LRP1B: variants seen among roughly 807,000 people sequenced by gnomAD.
The protein encoded by LRP1B is LDL receptor related protein 1B, also known as low-density lipoprotein receptor-related protein 1B.
LRP1B carries 217 observed loss-of-function variants against 556.6 expected under a neutral mutation model. That is an observed-to-expected ratio of 0.39 (90% CI 0.35 to 0.44). LRP1B has a LOEUF of 0.44. Ranked by LOEUF, LRP1B falls within the 20% of genes least tolerant of loss-of-function variation. The probability of loss-of-function intolerance (pLI) is 1.00; values close to 1 mark genes in which losing one functional copy is unlikely to be tolerated. For missense variants in LRP1B, 5,053 were observed against 5,620.8 expected (o/e 0.90, Z 3.23); for synonymous variants, 2,047 against 1,865.8 (o/e 1.10, Z -2.50).
rs1012334536 is a variant in LRP1B, at chr2:142,115,750, T to C, written c.82+14898A>G. On this transcript the variant is annotated intron_variant, in intron 1 of 90. Transcript: ENST00000389484. ...TATAATATATATGTAATATATATAT[T>C]ATATATATGTAATATATATCATATA... Among the ~76,000 whole-genome samples the C allele has an allele frequency of 2.9e-3, 70 of 23,868 alleles. 24 individuals carry two copies. The highest frequency in any genetic ancestry group is 3.7e-3 in the African/African-American group (18 of 4,888). The allele number at this position is 23,868 out of a possible 152,430, so 15.7% of individuals were successfully genotyped here.
At chr2:142,070,874 T>G (rs1235373549) in intron 1 of LRP1B, among the ~76,000 whole-genome samples, 1 of 151,970 alleles carries the variant, frequency 6.6e-6, no homozygotes, top group Admixed American at 6.6e-5. Flanking sequence ...GATGCTTTCA[T>G]ATATGATATC....
At position 140,465,693 on chromosome 2, in the gene LRP1B, A is replaced by G. The variant is rs115386491; in HGVS notation, c.9626-8042T>C. Among the ~76,000 whole-genome samples the G allele has an allele frequency of 2.0e-3, 296 of 151,772 alleles. 1 individual carries two copies. Among genetic ancestry groups the G allele is most frequent in the Admixed American group, 3.9e-3 (60 of 15,258 alleles). On this transcript the variant is annotated intron_variant, in intron 60 of 90. Coordinates refer to ENST00000389484, the MANE Select transcript of LRP1B (RefSeq NM_018557.3). ...TAATACTTAAAATGTCCCTATTTTTACAAGCATGTGGCACTCATGACATTT... is the reference window on the plus strand; with the variant it reads ...TAATACTTAAAATGTCCCTATTTTTGCAAGCATGTGGCACTCATGACATTT...
At chr2:141,079,746 A>T in intron 7 of LRP1B, among the ~76,000 whole-genome samples, 1 of 152,244 alleles carries the variant, frequency 6.6e-6, no homozygotes, top group East Asian at 1.9e-4. Context: ...AATTAATTTT[A>T]TGAAGACTAT....
intron 32 of LRP1B, among the ~76,000 whole-genome samples, chr2:140,808,096 TTAAAATAAAA>T (rs1286332577): frequency 6.6e-6 from 1 of 151,964 alleles, no homozygotes; most frequent in Admixed American, 6.6e-5. Context: ...CATCTCCAAA[TTAAAATAAAA>T]TAAAATAAAA....
intron 32 of LRP1B, among the ~76,000 whole-genome samples, chr2:140,787,558 ATTTTTTTT>A (rs756825067): frequency 2.2e-4 from 10 of 44,632 alleles, no homozygotes; most frequent in African/African-American, 7.7e-4. Flanking sequence ...AAAACAGAAG[ATTTTTTTT>A]TTTTTTTTTT....
rs551880930 is a variant in LRP1B at position 141,225,343 on chromosome 2, C to A, written c.850+3840G>T. On this transcript the variant is annotated intron_variant, in intron 6 of 90. Transcript: ENST00000389484. ...TGTTTACTGTGCAGCTGGGGGATGA[C>A]AATATGGTTCTGAATCATTTTCCTT... is the stretch of plus-strand genomic sequence containing the variant. Among the ~76,000 whole-genome samples the A allele has an allele frequency of 2.0e-5, 3 of 152,188 alleles. No homozygotes were observed. The South Asian group carries it at 6.2e-4, about 32-fold the overall frequency.
chr2:142,088,360 G>A (rs967201077), intron 1 of LRP1B, among the ~76,000 whole-genome samples: 7 of 152,078 alleles, frequency 4.6e-5, no homozygotes, highest in Non-Finnish European at 4.4e-5. Context: ...GTTGGTTTTA[G>A]TATATTGCGT....
chr2:140,470,353 G>A (rs1687709561), intron 60 of LRP1B, among the ~76,000 whole-genome samples: 2 of 151,992 alleles, frequency 1.3e-5, no homozygotes, highest in African/African-American at 4.8e-5. Context: ...ATTAAAACGT[G>A]GAGATTTGGG....
chr2:140,599,328 G>T (rs1682563611), intron 42 of LRP1B, among the ~76,000 whole-genome samples: 1 of 151,762 alleles, frequency 6.6e-6, no homozygotes, highest in Non-Finnish European at 1.5e-5. Context: ...ATATGTTTTG[G>T]AGAAAGAAAA....
chr2:140,322,043 A>G lies in LRP1B; in HGVS notation c.12560T>C (p.Leu4187Pro), dbSNP rs748572855. The G allele has an allele frequency of 1.2e-6, 2 of 1,613,072 alleles. No individual in the cohort carries two copies. Among genetic ancestry groups the G allele is most frequent in the Non-Finnish European group, 1.7e-6 (2 of 1,179,516 alleles). The change falls in exon 82 of 91, where the codon CTA becomes CCA. Residue 4187 changes from leucine to proline, a missense_variant. Physicochemically the swap from Leu to Pro is moderately conservative, Grantham distance 98. This residue lies in a region of LRP1B where 551 missense variants were observed against 592.0 expected (regional missense o/e 0.93). Coordinates refer to ENST00000389484, the MANE Select transcript of LRP1B (RefSeq NM_018557.3). ...CACACAAGTGGCCCCAGAAGGATTT[A>G]GCAAGCAAAGAAATTCGCATGCTAA... ...LDLACEFLCL[L>P]NPSGATCVCP...
At chr2:140,925,073 A>G (rs989657185) in intron 20 of LRP1B, among the ~76,000 whole-genome samples, 13 of 152,152 alleles carry the variant, frequency 8.5e-5, no homozygotes, top group African/African-American at 3.1e-4. Flanking sequence ...GGTATTATAC[A>G]TAATACAGAG....
At chr2:141,024,681 TG>T (rs1698167349) in intron 11 of LRP1B, among the ~76,000 whole-genome samples, 1 of 152,044 alleles carries the variant, frequency 6.6e-6, no homozygotes, top group Non-Finnish European at 1.5e-5. Flanking sequence ...TGCCTGTTTT[TG>T]TTCCATGAAT....
At chr2:142,004,089 A>C (rs1206346194) in intron 1 of LRP1B, among the ~76,000 whole-genome samples, 1 of 152,244 alleles carries the variant, frequency 6.6e-6, no homozygotes, top group Non-Finnish European at 1.5e-5. Context: ...AGTAGGAGGC[A>C]GAAGGAAGAT....
chr2:141,604,439 A>G, intron 2 of LRP1B, among the ~76,000 whole-genome samples: 1 of 152,074 alleles, frequency 6.6e-6, no homozygotes, highest in Non-Finnish European at 1.5e-5. Flanking sequence ...TCCTAGGCAG[A>G]GAGGGGTGGG....
chr2:142,086,867 C>T (rs1705957509), intron 1 of LRP1B, among the ~76,000 whole-genome samples: 1 of 152,096 alleles, frequency 6.6e-6, no homozygotes, highest in African/African-American at 2.4e-5. Context: ...TTAAAAATCT[C>T]ATTGTCATCA....
intron 1 of LRP1B, among the ~76,000 whole-genome samples, chr2:141,951,277 T>C (rs1285136767): frequency 1.3e-5 from 2 of 152,150 alleles, no homozygotes; most frequent in African/African-American, 2.4e-5. Flanking sequence ...GAGATTTCAG[T>C]GCACCCGTTA....
chr2:140,817,290 G>A (rs1691156268), intron 31 of LRP1B, among the ~76,000 whole-genome samples: 1 of 151,136 alleles, frequency 6.6e-6, no homozygotes, highest in South Asian at 2.1e-4. Context: ...ATCAAAAGAG[G>A]AAATCTAGAT....
chr2:141,734,291 A>G (rs1693385622), intron 2 of LRP1B, among the ~76,000 whole-genome samples: 1 of 152,128 alleles, frequency 6.6e-6, no homozygotes, highest in South Asian at 2.1e-4. Flanking sequence ...AACACTAACA[A>G]GAATAGCAAT....
At chr2:141,575,342 C>T (rs67841921) in intron 2 of LRP1B, among the ~76,000 whole-genome samples, 2 of 151,978 alleles carry the variant, frequency 1.3e-5, no homozygotes, top group African/African-American at 4.8e-5. Flanking sequence ...ACAAACCCGA[C>T]AAAAACAAAC....
Sources: allele counts gnomAD v4.1 joint callset (sites outside exome capture counted in the v4.1 genomes callset), GRCh38; gene constraint gnomAD v4.1.1; regional missense constraint gnomAD v4.1.1; transcripts MANE v1.5; gene names NCBI Gene and HGNC (gene_info 2026-07-23, HGNC 2026-07-21).